RPA2: variants seen among roughly 807,000 people sequenced by gnomAD.
RPA2 encodes replication protein A2.
RPA2 carries 22 observed loss-of-function variants against 33.4 expected under a neutral mutation model. The observed-to-expected ratio is 0.66, with a 90% CI of 0.47 to 0.94. RPA2 has a LOEUF of 0.94. Among genes scored for constraint, RPA2 ranks in the 40% least tolerant of loss-of-function variants. The pLI, the probability that RPA2 is intolerant of heterozygous loss-of-function variation, is 0.00. For synonymous variants in RPA2, 109 were observed against 114.9 expected (o/e 0.95, Z 0.33); for missense variants, 279 against 329.9 (o/e 0.85, Z 1.19).
intron 2 of RPA2, among the ~76,000 whole-genome samples, chr1:27,908,474 C>G (rs2090058371): frequency 6.6e-6 from 1 of 151,754 alleles, no homozygotes; most frequent in Non-Finnish European, 1.5e-5. Flanking sequence ...GTAGGCAGAA[C>G]AGTATCTAGT....
intron 6 of RPA2, among the ~76,000 whole-genome samples, chr1:27,895,648 G>A (rs1476367212): frequency 6.8e-6 from 1 of 147,844 alleles, no homozygotes; most frequent in African/African-American, 2.5e-5. Flanking sequence ...GGAGAATGGC[G>A]TGAACCCGGG....
At chr1:27,914,763 C>G, upstream of RPA2, 1 of 1,299,482 alleles carries the variant, frequency 7.7e-7, no homozygotes, top group Non-Finnish European at 1.1e-6. Flanking sequence ...AAGGGGCTGG[C>G]AGAGCGGTAT....
rs2089829136 is a variant in RPA2 at position 27,891,968 on chromosome 1, C to T, written c.*195G>A. The T allele has an allele frequency of 5.9e-6, 3 of 505,540 alleles. No homozygotes were observed. In the South Asian group the frequency reaches 9.9e-5, roughly 17 times the overall value. 31.3% of individuals were successfully genotyped at this position (505,540 alleles called of 1,614,324 possible). On this transcript the variant is annotated 3_prime_UTR_variant, in exon 9 of 9. Transcript: ENST00000373912. ...CTGGATTGCATCCCTGTCAATTGCC[C>T]ATCTCCCTCTGAGCTTCAAACAAAA...
intron 2 of RPA2, among the ~76,000 whole-genome samples, chr1:27,912,203 G>A (rs1471814840): frequency 6.6e-6 from 1 of 151,912 alleles, no homozygotes; most frequent in African/African-American, 2.4e-5. Flanking sequence ...GATTCCTAAA[G>A]AGAAGTCAAA....
At chr1:27,910,047 A>G (rs1163194309) in intron 2 of RPA2, among the ~76,000 whole-genome samples, 1 of 152,164 alleles carries the variant, frequency 6.6e-6, no homozygotes, top group Admixed American at 6.6e-5. Flanking sequence ...TACCTCTCAC[A>G]AACTACTATA....
chr1:27,914,598 G>C (rs556250575), upstream of RPA2: 20 of 1,613,684 alleles, frequency 1.2e-5, no homozygotes, highest in South Asian at 5.5e-5. Context: ...CAGCTCCCGG[G>C]GTGCTCGCTT....
At chr1:27,901,223 A>G (rs758848746) in intron 4 of RPA2, among the ~76,000 whole-genome samples, 1 of 152,236 alleles carries the variant, frequency 6.6e-6, no homozygotes, top group South Asian at 2.1e-4. Flanking sequence ...TGCCACAGCC[A>G]GCTCAACCTT....
rs1374454938 is a variant in RPA2 at position 27,897,124 on chromosome 1, ATT to A, written c.409-5_409-4del. On this transcript the variant is annotated splice_region_variant and splice_polypyrimidine_tract_variant and intron_variant, in intron 5 of 8. Coordinates refer to ENST00000373912, the MANE Select transcript of RPA2 (RefSeq NM_002946.5). Reference sequence around the variant, plus strand: ...AAGGCTACCAGGCTCTTTTTGTTCTATTAAAATGAAGGAAAAAAATGTGAATA... The same window carrying A: ...AAGGCTACCAGGCTCTTTTTGTTCTAAAAATGAAGGAAAAAAATGTGAATA... 2 of 1,601,620 alleles carry A rather than the reference ATT, an allele frequency of 1.2e-6. No homozygotes were observed. Among genetic ancestry groups the A allele is most frequent in the African/African-American group, 2.7e-5 (2 of 74,492 alleles).
intron 6 of RPA2, 23 bp downstream of exon 6, chr1:27,896,982 G>T: frequency 6.5e-7 from 1 of 1,541,450 alleles, no homozygotes; most frequent in Non-Finnish European, 8.9e-7. Flanking sequence ...AAGAGAAAAA[G>T]CTAGGAAAGC....
intron 5 of RPA2, among the ~76,000 whole-genome samples, 171 bp from the exon 6 acceptor site, chr1:27,897,292 T>G (rs1437429208): frequency 1.3e-5 from 2 of 149,860 alleles, no homozygotes; most frequent in Non-Finnish European, 1.5e-5. Context: ...GAAAAAAAAC[T>G]AAAACTAATA....
At chr1:27,897,750 T>C (rs1186726851) in intron 4 of RPA2, 43 bp from the exon 5 acceptor site, 4 of 1,403,188 alleles carry the variant, frequency 2.9e-6, no homozygotes, top group Non-Finnish European at 3.9e-6. Flanking sequence ...TTAGTGATGC[T>C]GGTAAAAGCC....
At chr1:27,910,881 G>C (rs2090087988) in intron 2 of RPA2, among the ~76,000 whole-genome samples, 1 of 151,852 alleles carries the variant, frequency 6.6e-6, no homozygotes, top group African/African-American at 2.4e-5. Context: ...AAAAGAATAG[G>C]GCGTTTACCT....
intron 7 of RPA2, 35 bp from the exon 8 acceptor site, chr1:27,894,141 T>C (rs1439688277): frequency 6.3e-7 from 1 of 1,597,246 alleles, no homozygotes. Context: ...TTAGCAATTA[T>C]TTTGGATCAG....
At chr1:27,896,225 GCT>G (rs2089889877) in intron 6 of RPA2, among the ~76,000 whole-genome samples, 1 of 151,988 alleles carries the variant, frequency 6.6e-6, no homozygotes, top group Non-Finnish European at 1.5e-5. Flanking sequence ...AGACAAGGTT[GCT>G]CTGTTGCCCA....
rs4394679 is a variant in RPA2 at position 27,900,061 on chromosome 1, C to A, written c.334-2354G>T. ...TGACTTCAGGTGATCCACCCGCCTC[C>A]GCCTCCCAAAGTGTTGGGATTACAG... On this transcript the variant is annotated intron_variant, in intron 4 of 8. Transcript: ENST00000373912. 2.6e-3 allele frequency among the ~76,000 whole-genome samples: 402 copies of A among 152,288 alleles called. 5 individuals are homozygous for A. The highest frequency in any genetic ancestry group is 8.7e-3 in the African/African-American group (360 of 41,552).
chr1:27,913,819 T>G (rs560704142), intron 2 of RPA2, among the ~76,000 whole-genome samples: 2 of 152,198 alleles, frequency 1.3e-5, no homozygotes, highest in African/African-American at 4.8e-5. Flanking sequence ...ATTCATTAGC[T>G]ACACTGATCA....
intron 4 of RPA2, 74 bp downstream of exon 4, chr1:27,906,854 T>A: frequency 1.0e-6 from 1 of 997,972 alleles, no homozygotes; most frequent in South Asian, 1.6e-5. Flanking sequence ...GAAAAAACTT[T>A]AAAAAGACTA....
intron 2 of RPA2, among the ~76,000 whole-genome samples, chr1:27,910,832 G>A (rs2090087350): frequency 6.6e-6 from 1 of 152,074 alleles, no homozygotes; most frequent in Non-Finnish European, 1.5e-5. Context: ...CTGCACTCCA[G>A]CGGGGGTGAA....
intron 2 of RPA2, among the ~76,000 whole-genome samples, chr1:27,913,731 A>T (rs974495444): frequency 7.9e-5 from 12 of 152,218 alleles, no homozygotes; most frequent in Admixed American, 2.0e-4. Flanking sequence ...AGCCTGGGCA[A>T]CATAGTGAGA....
Sources: gnomAD v4.1 joint callset for allele counts (sites outside exome capture counted in the v4.1 genomes callset) on GRCh38, gnomAD v4.1.1 for gene constraint, MANE v1.5 for transcripts, NCBI Gene and HGNC (gene_info 2026-07-23, HGNC 2026-07-21) for gene names.